P4HB: variants seen among roughly 807,000 people sequenced by gnomAD.
The protein encoded by P4HB is protein disulfide-isomerase.
P4HB carries 20 observed loss-of-function variants against 52.6 expected under a neutral mutation model. The observed-to-expected ratio is 0.38, with a 90% CI of 0.27 to 0.55. The LOEUF (loss-of-function observed/expected upper bound fraction) is 0.55. Ranked by LOEUF, P4HB falls within the 20% of genes least tolerant of loss-of-function variation. P4HB has a pLI of 0.74. For missense variants in P4HB, 601 were observed against 669.2 expected, an observed-to-expected ratio of 0.90 and a Z score of 1.12; for synonymous variants, 296 against 277.9, an observed-to-expected ratio of 1.07 and a Z score of -0.65.
chr17:81,845,143 C>T lies in P4HB; in HGVS notation c.1446+1G>A, dbSNP rs1315096355. 4 of 1,609,770 alleles carry T rather than the reference C, an allele frequency of 2.5e-6. No homozygotes were observed. The highest frequency in any genetic ancestry group is 3.4e-6 in the Non-Finnish European group (4 of 1,176,532). ...CAGCCCAGGGCTGTGACCCCACTCA[C>T]GTCATCATCCCCTGCCCCATCCTGG... On this transcript the variant is annotated splice_donor_variant, in intron 10 of 10. Transcript: ENST00000331483. LOFTEE classifies it high-confidence loss of function.
In P4HB at chr17:81,855,488, C is replaced by T; in HGVS notation, c.451G>A (p.Glu151Lys). 1 of 1,613,856 alleles carries T rather than the reference C, an allele frequency of 6.2e-7. No homozygotes were observed. Among genetic ancestry groups the T allele is most frequent in the Non-Finnish European group, 8.5e-7 (1 of 1,179,958 alleles). ...PDGAAAESLV[E>K]SSEVAVIGFF... ...CCGATGACAGCCACCTCGCTGGACT[C>T]CACCAAGGACTCTGCAGCTGCGCCG... Residue 151 changes from glutamate to lysine, a missense_variant, in exon 3 of 11, where the codon GAG (glutamate) becomes AAG (lysine). Coordinates refer to ENST00000331483, the MANE Select transcript of P4HB (RefSeq NM_000918.4). The surrounding 1 kb of genome is among the most constrained non-coding windows in gnomAD (Gnocchi z 4.3).
Position 81,845,861 on chromosome 17 carries a change from C to A in P4HB, c.1177+10G>T, listed in dbSNP as rs199695507. 2.5e-5 allele frequency: 41 copies of A among 1,613,908 alleles called. No individual in the cohort carries two copies. Among genetic ancestry groups the A allele is most frequent in the Non-Finnish European group, 3.3e-5 (39 of 1,180,022 alleles). ...GCACGGACCTGGGGAGCTGAAAGGG[C>A]AACACTTACAGAACTCCACAAAGAC... On this transcript the variant is annotated intron_variant, in intron 8 of 10. Coordinates refer to ENST00000331483, the MANE Select transcript of P4HB (RefSeq NM_000918.4).
In P4HB at chr17:81,847,224, G is replaced by C. The variant is rs2038749526; in HGVS notation, c.729+19C>G. On this transcript the variant is annotated intron_variant, in intron 5 of 10. Coordinates refer to ENST00000331483, the MANE Select transcript of P4HB (RefSeq NM_000918.4). ...CACTCCTCCCCATCCCCAGCCTGGG[G>C]GCTGCAGGGCAGCCGCACCTGCTCG... 1.2e-6 allele frequency: 2 copies of C among 1,611,686 alleles called. No individual in the cohort carries two copies. Among genetic ancestry groups the C allele is most frequent in the African/African-American group, 1.3e-5 (1 of 74,860 alleles).
intron 4 of P4HB, among the ~76,000 whole-genome samples, chr17:81,854,481 G>A (rs1015407067): frequency 6.6e-6 from 1 of 150,904 alleles, no homozygotes; most frequent in Admixed American, 6.6e-5. Context: ...AGCAGAAGTT[G>A]CAGTGAGCTA....
chr17:81,851,121 G>C (rs1201257361), intron 4 of P4HB, among the ~76,000 whole-genome samples: 1 of 151,880 alleles, frequency 6.6e-6, no homozygotes, highest in African/African-American at 2.4e-5. Flanking sequence ...TAGTAGAGAC[G>C]GGGTTTCACC....
chr17:81,859,808 G>A (rs913623158), intron 1 of P4HB: 2 of 243,544 alleles, frequency 8.2e-6, no homozygotes, highest in Admixed American at 1.0e-4. Context: ...CGTGCACACA[G>A]ACCCTGAGTT....
Position 81,846,418 on chromosome 17 carries a change from C to T in P4HB, c.1056+11G>A, listed in dbSNP as rs202104168. 117 of 1,612,706 alleles carry T rather than the reference C, an allele frequency of 7.3e-5. No homozygotes were observed. The highest frequency in any genetic ancestry group is 2.2e-4 in the East Asian group (10 of 44,894). ...CCGGGAGGCAGCCCTGGCCCGGGGACGCGCCTGCACCTTGATTTTGCCCTC... is the reference window on the plus strand; with the variant it reads ...CCGGGAGGCAGCCCTGGCCCGGGGATGCGCCTGCACCTTGATTTTGCCCTC... On this transcript the variant is annotated intron_variant, in intron 7 of 10. Coordinates refer to ENST00000331483, the MANE Select transcript of P4HB (RefSeq NM_000918.4). The surrounding 1 kb of genome is among the most constrained non-coding windows in gnomAD (Gnocchi z 5.7).
At position 81,855,712 on chromosome 17, in the gene P4HB, T is replaced by C. The variant is rs1288670034; in HGVS notation, c.353-126A>G. 8.8e-7 allele frequency: 1 copy of C among 1,131,846 alleles called. No individual in the cohort carries two copies. The highest frequency in any genetic ancestry group is 1.2e-6 in the Non-Finnish European group (1 of 813,310). 70.1% of individuals were successfully genotyped at this position (1,131,846 alleles called of 1,614,324 possible). A position where few individuals can be genotyped will look rare whatever the true frequency, so the allele number is the denominator to read the frequency against. On this transcript the variant is annotated intron_variant, in intron 2 of 10. Coordinates refer to ENST00000331483, the MANE Select transcript of P4HB (RefSeq NM_000918.4). This position sits in a 1 kb window ranked among gnomAD's most constrained non-coding sequence, Gnocchi z 4.3. ...ACCTGAATCAACCTAAGTAAGATGT[T>C]CTCCCACCATGGAAGAGGCCCGGTG... is the stretch of plus-strand genomic sequence containing the variant.
chr17:81,850,999 C>T (rs1442995761), intron 4 of P4HB, among the ~76,000 whole-genome samples: 4 of 151,290 alleles, frequency 2.6e-5, no homozygotes, highest in Admixed American at 2.0e-4. Context: ...TGGTGCTTCT[C>T]GGCTCACTGC....
chr17:81,848,736 CAAAAAAAAAA>C (rs770133887), intron 4 of P4HB, among the ~76,000 whole-genome samples: 2 of 24,450 alleles, frequency 8.2e-5, no homozygotes, highest in Non-Finnish European at 1.6e-4. Flanking sequence ...AACTCTGTCT[CAAAAAAAAAA>C]AAAAAAAAAA....
Position 81,846,822 on chromosome 17 carries a change from G to A in P4HB, c.855+125C>T, listed in dbSNP as rs2038742786. ...CTGGCCCCTCGCCTACATCCAGGCTGTCCTGAATCAGGTGCCCGATCCAGT... is the reference window on the plus strand; with the variant it reads ...CTGGCCCCTCGCCTACATCCAGGCTATCCTGAATCAGGTGCCCGATCCAGT... On this transcript the variant is annotated intron_variant, in intron 6 of 10. Transcript: ENST00000331483. The surrounding 1 kb of genome is among the most constrained non-coding windows in gnomAD (Gnocchi z 5.7). 7.5e-7 allele frequency: 1 copy of A among 1,335,630 alleles called. No individual in the cohort carries two copies. The allele number at this position is 1,335,630 out of a possible 1,614,324, so 82.7% of individuals were successfully genotyped here.
chr17:81,844,488 G>C (rs1053968610), intron 10 of P4HB, among the ~76,000 whole-genome samples: 1 of 152,172 alleles, frequency 6.6e-6, no homozygotes, highest in African/African-American at 2.4e-5. Context: ...ACTGGGGTGT[G>C]ACCATTCTAC....
At chr17:81,847,978 C>T (rs1413605005) in intron 4 of P4HB, 2 of 150,300 alleles carry the variant, frequency 1.3e-5, no homozygotes, top group African/African-American at 4.9e-5. Flanking sequence ...GATCTCCACT[C>T]ACTGCAAGCT....
At chr17:81,845,440 TC>T in intron 9 of P4HB, 120 bp downstream of exon 9, 1 of 1,016,592 alleles carries the variant, frequency 9.8e-7, no homozygotes, top group Non-Finnish European at 1.4e-6. Flanking sequence ...CTGAAGGAGC[TC>T]CCACAGCTCT....
In P4HB at chr17:81,843,557, G is replaced by C; in HGVS notation, c.*455C>G. ...GGTACTGAGTGACCATGTCCAGTCC[G>C]GCTCCGTCCCTCCCACACGGGGGAC... On this transcript the variant is annotated 3_prime_UTR_variant, in exon 11 of 11. Transcript: ENST00000331483. 1 of 426,588 alleles carries C rather than the reference G, an allele frequency of 2.3e-6. No homozygotes were observed. The highest frequency in any genetic ancestry group is 4.1e-6 in the Non-Finnish European group (1 of 242,414). The allele number at this position is 426,588 out of a possible 1,614,324, so 26.4% of individuals were successfully genotyped here.
Position 81,846,746 on chromosome 17 carries a change from G to A in P4HB, c.856-117C>T, listed in dbSNP as rs747900082. Reference sequence around the variant, plus strand: ...GCCTTTTTCCTCCAACCTGGATTCCGGGGTTGCCCAACCAGACCAGCAGGT... The same window carrying A: ...GCCTTTTTCCTCCAACCTGGATTCCAGGGTTGCCCAACCAGACCAGCAGGT... On this transcript the variant is annotated intron_variant, in intron 6 of 10. Coordinates refer to ENST00000331483, the MANE Select transcript of P4HB (RefSeq NM_000918.4). The surrounding 1 kb of genome is among the most constrained non-coding windows in gnomAD (Gnocchi z 5.7). 7.3e-4 allele frequency: 926 copies of A among 1,263,190 alleles called. 1 individual carries two copies. Among genetic ancestry groups the A allele is most frequent in the Non-Finnish European group, 9.5e-4 (846 of 892,998 alleles). The allele number at this position is 1,263,190 out of a possible 1,614,324, so 78.2% of individuals were successfully genotyped here.
chr17:81,853,466 C>T (rs996983924), intron 4 of P4HB, among the ~76,000 whole-genome samples: 4 of 151,716 alleles, frequency 2.6e-5, no homozygotes, highest in African/African-American at 9.7e-5. Context: ...CCCAGCTACT[C>T]GGGAGGCTGA....
At chr17:81,858,500 G>C (rs1325911272) in intron 2 of P4HB, among the ~76,000 whole-genome samples, 5 of 152,138 alleles carry the variant, frequency 3.3e-5, no homozygotes, top group Admixed American at 1.3e-4. Flanking sequence ...CCCACCATGA[G>C]CATCTGACAT....
At chr17:81,847,558 C>G (rs2038757093) in intron 4 of P4HB, 3 of 589,496 alleles carry the variant, frequency 5.1e-6, no homozygotes, top group Non-Finnish European at 9.2e-6. Context: ...CCCGTGAATT[C>G]AACAGCTGGC....
Sources: allele counts gnomAD v4.1 joint callset (sites outside exome capture counted in the v4.1 genomes callset), GRCh38; gene constraint gnomAD v4.1.1; non-coding constraint Gnocchi (gnomAD v3.1); transcripts MANE v1.5; gene names NCBI Gene and HGNC (gene_info 2026-07-23, HGNC 2026-07-21).